Variants in ZRANB3 observed in about 807,000 individuals in gnomAD.
ZRANB3 encodes the protein DNA annealing helicase and endonuclease ZRANB3.
A neutral mutation model predicts 133.8 loss-of-function variants in ZRANB3; 125 were observed. The observed-to-expected ratio is 0.93, with a 90% CI of 0.81 to 1.08. The LOEUF (loss-of-function observed/expected upper bound fraction) is 1.08. Ranked by LOEUF, ZRANB3 falls within the 50% of genes least tolerant of loss-of-function variation. ZRANB3 has a pLI of 0.00. For missense variants in ZRANB3, 1,229 were observed against 1,275.5 expected (o/e 0.96, Z 0.56); for synonymous variants, 387 against 432.7 (o/e 0.89, Z 1.31).
intron 2 of ZRANB3, among the ~76,000 whole-genome samples, chr2:135,469,844 C>T (rs1574151744): frequency 6.6e-6 from 1 of 151,180 alleles, no homozygotes; most frequent in East Asian, 1.9e-4. Flanking sequence ...AACCCCATCT[C>T]TACTAAAAAA....
At chr2:135,479,054 T>C (rs889166765) in intron 2 of ZRANB3, among the ~76,000 whole-genome samples, 1 of 151,874 alleles carries the variant, frequency 6.6e-6, no homozygotes, top group African/African-American at 2.4e-5. Context: ...CAATTTCCCC[T>C]TCTAACAATA....
chr2:135,483,805 T>A (rs1215597320), intron 2 of ZRANB3, among the ~76,000 whole-genome samples: 1 of 152,198 alleles, frequency 6.6e-6, no homozygotes, highest in African/African-American at 2.4e-5. Flanking sequence ...GATTCTGGTG[T>A]GTTGTGTCTT....
chr2:135,435,299 C>T (rs1689485298), intron 2 of ZRANB3, among the ~76,000 whole-genome samples: 1 of 152,328 alleles, frequency 6.6e-6, no homozygotes, highest in Non-Finnish European at 1.5e-5. Context: ...TAGCTCCATA[C>T]ATGTTCCTGC....
chr2:135,234,007 T>C (rs1396736505), intron 12 of ZRANB3, among the ~76,000 whole-genome samples: 1 of 152,112 alleles, frequency 6.6e-6, no homozygotes, highest in Non-Finnish European at 1.5e-5. Flanking sequence ...GCAAATTGGA[T>C]AAAGAGTCAA....
intron 12 of ZRANB3, among the ~76,000 whole-genome samples, 186 bp downstream of exon 12, chr2:135,265,348 G>C (rs1439656171): frequency 1.3e-5 from 2 of 152,110 alleles, no homozygotes; most frequent in Non-Finnish European, 2.9e-5. Context: ...CCGAGGAGCT[G>C]AACAGTAAGT....
At position 135,197,133 on chromosome 2, in the gene ZRANB3, G is replaced by A. The variant is rs545455317; in HGVS notation, c.*3209C>T. On this transcript the variant is annotated 3_prime_UTR_variant, in exon 21 of 21. Coordinates refer to ENST00000264159, the MANE Select transcript of ZRANB3 (RefSeq NM_032143.4). ...GGATATTCAGATAGATTAGTGCAGT[G>A]ACTAGGAGCCCACAATTTTCCAGTT... is the stretch of plus-strand genomic sequence containing the variant. 1 of 152,338 alleles carries A rather than the reference G, an allele frequency of 6.6e-6. No homozygotes were observed. The highest frequency in any genetic ancestry group is 2.1e-4 in the South Asian group (1 of 4,824). The allele number at this position is 152,338 out of a possible 1,614,324, so 9.4% of individuals were successfully genotyped here.
intron 2 of ZRANB3, among the ~76,000 whole-genome samples, chr2:135,500,747 A>G (rs1451668134): frequency 1.3e-5 from 2 of 149,116 alleles, no homozygotes; most frequent in African/African-American, 4.9e-5. Flanking sequence ...CATGTAAATT[A>G]CATATCAGTA....
intron 12 of ZRANB3, among the ~76,000 whole-genome samples, chr2:135,238,463 G>T (rs1441990945): frequency 6.8e-6 from 1 of 146,084 alleles, no homozygotes; most frequent in Non-Finnish European, 1.5e-5. Flanking sequence ...GCGCAATCTT[G>T]GCTCACTGCA....
rs1387968844 is a variant in ZRANB3, at chr2:135,269,083, C to T, written c.1265G>A (p.Gly422Glu). The change falls in exon 11 of 21, where the codon GGA (glycine) becomes GAA (glutamate). Residue 422 changes from glycine to glutamate, a missense_variant. Transcript: ENST00000264159. ...VVFAELYWDPGHIKQAEDRAH... is the reference protein window; with the variant it reads ...VVFAELYWDPEHIKQAEDRAH... ...TCGGTCTTCTGCTTGTTTTATATGT[C>T]CAGGGTCCCAGTACAACTCAGCAAA... 7.4e-6 allele frequency: 12 copies of T among 1,612,728 alleles called. No individual in the cohort carries two copies. In the African/African-American group the frequency reaches 8.0e-5, roughly 11 times the overall value.
In ZRANB3 at chr2:135,246,371, C is replaced by CT. The variant is rs1303855123; in HGVS notation, c.1540-15445dup. Among the ~76,000 whole-genome samples the CT allele has an allele frequency of 2.0e-5, 3 of 152,156 alleles. No individual in the cohort carries two copies. In the South Asian group the frequency reaches 6.2e-4, roughly 32 times the overall value. The stretch of plus-strand genomic sequence containing the variant: ...ATGCTTCTAATGACTTTTCTGTTGT[C>CT]TTTTTTTGTTAATTTTTCATAAAGT... On this transcript the variant is annotated intron_variant, in intron 12 of 20. Transcript: ENST00000264159.
chr2:135,243,248 G>A (rs945121905), intron 12 of ZRANB3, among the ~76,000 whole-genome samples: 2 of 152,226 alleles, frequency 1.3e-5, no homozygotes, highest in African/African-American at 4.8e-5. Flanking sequence ...GGGCGCGGTG[G>A]CTCACGCCTG....
intron 2 of ZRANB3, among the ~76,000 whole-genome samples, chr2:135,401,931 C>A (rs1014940074): frequency 1.3e-5 from 2 of 152,232 alleles, no homozygotes; most frequent in East Asian, 3.9e-4. Flanking sequence ...ACCTCAATAG[C>A]ATCAATTTAG....
At chr2:135,319,641 C>A (rs1683424066) in intron 6 of ZRANB3, among the ~76,000 whole-genome samples, 1 of 152,182 alleles carries the variant, frequency 6.6e-6, no homozygotes, top group South Asian at 2.1e-4. Flanking sequence ...TGCTTCTCTT[C>A]CAGTACTCAC....
At chr2:135,345,880 C>CAT (rs1477852203) in intron 5 of ZRANB3, among the ~76,000 whole-genome samples, 1 of 152,058 alleles carries the variant, frequency 6.6e-6, no homozygotes, top group Non-Finnish European at 1.5e-5. Context: ...AGGATCATAT[C>CAT]ATATATATTG....
intron 2 of ZRANB3, among the ~76,000 whole-genome samples, chr2:135,431,891 T>A (rs1316199185): frequency 5.3e-5 from 8 of 152,160 alleles, no homozygotes; most frequent in Admixed American, 5.2e-4. Flanking sequence ...TAAATAGTTG[T>A]ACGACATTAT....
intron 3 of ZRANB3, among the ~76,000 whole-genome samples, chr2:135,369,663 T>C (rs1206953409): frequency 1.3e-5 from 2 of 152,184 alleles, no homozygotes; most frequent in Non-Finnish European, 2.9e-5. Flanking sequence ...GTGAGACCAC[T>C]ATAGCCGAAG....
At chr2:135,307,605 G>A (rs1682764977) in intron 8 of ZRANB3, among the ~76,000 whole-genome samples, 1 of 152,076 alleles carries the variant, frequency 6.6e-6, no homozygotes, top group African/African-American at 2.4e-5. Flanking sequence ...GGCTTTATCA[G>A]TTGCTTTATG....
At chr2:135,318,218 G>C (rs1029504724) in intron 6 of ZRANB3, among the ~76,000 whole-genome samples, 1 of 112,386 alleles carries the variant, frequency 8.9e-6, no homozygotes, top group Non-Finnish European at 1.8e-5. Flanking sequence ...TATTTTGTGT[G>C]TGTGTGTGTG....
Position 135,363,236 on chromosome 2 carries a change from A to C in ZRANB3, c.181-9608T>G, listed in dbSNP as rs542387245. Among the ~76,000 whole-genome samples the C allele has an allele frequency of 4.9e-4, 74 of 152,228 alleles. 1 individual carries two copies. The highest frequency in any genetic ancestry group is 3.4e-3 in the Middle Eastern group (1 of 294). ...CAGGCTGGAGTGCAGTGGCATGATC[A>C]TAGTTCATTGTAACCTCAAACTCCT... is the stretch of plus-strand genomic sequence containing the variant. On this transcript the variant is annotated intron_variant, in intron 3 of 20. Transcript: ENST00000264159.
Sources: allele counts gnomAD v4.1 joint callset (sites outside exome capture counted in the v4.1 genomes callset), GRCh38; gene constraint gnomAD v4.1.1; transcripts MANE v1.5; gene names NCBI Gene and HGNC (gene_info 2026-07-23, HGNC 2026-07-21).